The following SEMA3A variants were observed in gnomAD, a reference collection of about 807,000 sequenced individuals.
SEMA3A encodes the protein semaphorin-3A.
SEMA3A carries 29 observed loss-of-function variants against 97.9 expected under a neutral mutation model. The ratio of observed to expected loss-of-function variants is 0.30; its 90% CI spans 0.22 to 0.40. The LOEUF is 0.40. Among genes scored for constraint, SEMA3A ranks in the 10% least tolerant of loss-of-function variants. SEMA3A has a pLI of 1.00. For missense variants in SEMA3A, 763 were observed against 951.3 expected (o/e 0.80, Z 2.60); for synonymous variants, 321 against 323.7 (o/e 0.99, Z 0.09).
At chr7:84,442,519 A>C (rs1805297826) in intron 1 of SEMA3A, among the ~76,000 whole-genome samples, 1 of 152,152 alleles carries the variant, frequency 6.6e-6, no homozygotes, top group Admixed American at 6.5e-5. Context: ...ACTACAAAAA[A>C]AATCAACTAA....
intron 4 of SEMA3A, among the ~76,000 whole-genome samples, chr7:84,066,357 G>A (rs1425173665): frequency 2.0e-5 from 3 of 151,274 alleles, no homozygotes; most frequent in Admixed American, 6.6e-5. Flanking sequence ...TTGAAGACTG[G>A]CACAATACAG....
At chr7:83,983,419 G>A (rs17305396) in intron 13 of SEMA3A, among the ~76,000 whole-genome samples, 2 of 151,628 alleles carry the variant, frequency 1.3e-5, no homozygotes, top group South Asian at 2.1e-4. Context: ...CGCCAATAAC[G>A]TCTAAGAAGC....
At position 84,339,187 on chromosome 7, in the gene SEMA3A, C is replaced by T. The variant is rs10488587; in HGVS notation, c.-168-31895G>A. ...CTAACTGAATCAATGTAATTGCCCT[C>T]TATTTGGTGTGGGTTTGTGTGTTGA... On this transcript the variant is annotated intron_variant, in intron 2 of 3. Coordinates refer to the SEMA3A transcript ENST00000424555. Among the ~76,000 whole-genome samples, 2,197 of 151,780 alleles carry T rather than the reference C, an allele frequency of 0.014. 96 individuals are homozygous for T. In the East Asian group the frequency reaches 0.16, roughly 11 times the overall value.
chr7:84,381,304 T>C (rs928966401), intron 1 of SEMA3A, among the ~76,000 whole-genome samples: 2 of 152,134 alleles, frequency 1.3e-5, no homozygotes, highest in African/African-American at 4.8e-5. Flanking sequence ...GGTGTTAGCC[T>C]AAAAAATTTA....
At chr7:84,161,330 C>T (rs1301220389) in intron 1 of SEMA3A, among the ~76,000 whole-genome samples, 11 of 151,866 alleles carry the variant, frequency 7.2e-5, no homozygotes, top group Admixed American at 2.6e-4. Context: ...CGCCATTGCA[C>T]TCCAGCTTGG....
chr7:84,469,690 T>C (rs1470302943), intron 1 of SEMA3A, among the ~76,000 whole-genome samples: 1 of 152,134 alleles, frequency 6.6e-6, no homozygotes, highest in African/African-American at 2.4e-5. Flanking sequence ...AGTAAAATCA[T>C]TCTTCTAATG....
intron 1 of SEMA3A, among the ~76,000 whole-genome samples, chr7:84,448,158 G>A (rs1805470463): frequency 6.6e-6 from 1 of 152,184 alleles, no homozygotes; most frequent in African/African-American, 2.4e-5. Context: ...CAGCCTGCCA[G>A]GTCGAGTTGG....
intron 1 of SEMA3A, among the ~76,000 whole-genome samples, chr7:84,382,597 G>A (rs1222229244): frequency 2.7e-5 from 4 of 148,770 alleles, no homozygotes; most frequent in Non-Finnish European, 4.4e-5. Flanking sequence ...AGTGGCTCAC[G>A]CCTGTAATCC....
At chr7:84,268,249 A>ATGTGTG (rs66460940) in intron 3 of SEMA3A, among the ~76,000 whole-genome samples, 8,022 of 130,962 alleles carry the variant, frequency 0.061, 281 homozygotes, top group East Asian at 0.087. Context: ...AGACATAAGC[A>ATGTGTG]TGTGTGTGTG....
intron 4 of SEMA3A, among the ~76,000 whole-genome samples, chr7:84,081,399 T>C (rs577590309): frequency 8.2e-4 from 125 of 152,172 alleles, no homozygotes; most frequent in Non-Finnish European, 1.3e-3. Flanking sequence ...AAGACCACCC[T>C]GGCTAACACG....
At chr7:84,048,429 T>C (rs1792450318) in intron 5 of SEMA3A, among the ~76,000 whole-genome samples, 1 of 152,020 alleles carries the variant, frequency 6.6e-6, no homozygotes, top group Non-Finnish European at 1.5e-5. Flanking sequence ...AAGGGTAATA[T>C]CTAATTTTTT....
intron 3 of SEMA3A, among the ~76,000 whole-genome samples, chr7:84,113,105 T>C (rs1001072310): frequency 1.3e-5 from 2 of 152,218 alleles, no homozygotes; most frequent in African/African-American, 4.8e-5. Flanking sequence ...AGAAATTTCT[T>C]GGGCTTAGAG....
chr7:84,334,864 C>T (rs1479328901), intron 2 of SEMA3A, among the ~76,000 whole-genome samples: 1 of 150,512 alleles, frequency 6.6e-6, no homozygotes, highest in East Asian at 2.0e-4. Flanking sequence ...GGCCCTGCCT[C>T]CTCAATTTCC....
intron 1 of SEMA3A, among the ~76,000 whole-genome samples, chr7:84,162,484 A>C (rs1797064529): frequency 6.6e-6 from 1 of 152,116 alleles, no homozygotes; most frequent in Non-Finnish European, 1.5e-5. Flanking sequence ...GAGACAAGAG[A>C]GAGAAACTTC....
chr7:84,478,473 T>C (rs1204395545), intron 1 of SEMA3A, among the ~76,000 whole-genome samples: 1 of 152,096 alleles, frequency 6.6e-6, no homozygotes, highest in Non-Finnish European at 1.5e-5. Context: ...TAGATCTTGG[T>C]GAAAATAAAA....
intron 6 of SEMA3A, 74 bp downstream of exon 6, chr7:84,046,250 C>A: frequency 6.5e-7 from 1 of 1,540,676 alleles, no homozygotes. Context: ...ATTGCATGTA[C>A]TGTAAAAGAG....
intron 3 of SEMA3A, among the ~76,000 whole-genome samples, chr7:84,116,258 G>A (rs1185967206): frequency 6.6e-6 from 1 of 152,034 alleles, no homozygotes; most frequent in Admixed American, 6.6e-5. Flanking sequence ...ATCAAGTTTA[G>A]TGTTTGTGAC....
chr7:84,280,241 G>A lies in SEMA3A; in HGVS notation c.-83+26966C>T, dbSNP rs574407837. On this transcript the variant is annotated intron_variant, in intron 3 of 3. Coordinates refer to the SEMA3A transcript ENST00000424555. Reference sequence around the variant, plus strand: ...TATTTCAGTCATAGTTCGGCCTCCCGGTCAATTTAGATGTTACTCTTTCTA... The same window carrying A: ...TATTTCAGTCATAGTTCGGCCTCCCAGTCAATTTAGATGTTACTCTTTCTA... 6.6e-5 allele frequency among the ~76,000 whole-genome samples: 10 copies of A among 152,074 alleles called. No homozygotes were observed. The East Asian group carries it at 7.7e-4, about 12-fold the overall frequency.
intron 1 of SEMA3A, among the ~76,000 whole-genome samples, chr7:84,427,933 C>T (rs975945646): frequency 6.6e-5 from 10 of 151,980 alleles, no homozygotes; most frequent in African/African-American, 2.4e-4. Context: ...TATAGTAGGT[C>T]TATATCCAAG....
Sources: allele counts gnomAD v4.1 joint callset (sites outside exome capture counted in the v4.1 genomes callset), GRCh38; gene constraint gnomAD v4.1.1; transcripts MANE v1.5; gene names NCBI Gene and HGNC (gene_info 2026-07-23, HGNC 2026-07-21).